PTPN13: variants seen among roughly 807,000 people sequenced by gnomAD.
PTPN13 encodes tyrosine-protein phosphatase non-receptor type 13.
PTPN13 carries 191 observed loss-of-function variants against 284.0 expected under a neutral mutation model. That is an observed-to-expected ratio of 0.67 (90% CI 0.60 to 0.76). The LOEUF is 0.76. Among genes scored for constraint, PTPN13 ranks in the 30% least tolerant of loss-of-function variants. The probability of loss-of-function intolerance (pLI) is 0.00; values close to 1 mark genes in which losing one functional copy is unlikely to be tolerated. For synonymous variants in PTPN13, 986 were observed against 1,022.3 expected, an observed-to-expected ratio of 0.96 and a Z score of 0.68; for missense variants, 2,797 against 2,939.9, an observed-to-expected ratio of 0.95 and a Z score of 1.12.
At chr4:86,693,275 C>T (rs1435921012) in intron 5 of PTPN13, among the ~76,000 whole-genome samples, 3 of 152,036 alleles carry the variant, frequency 2.0e-5, no homozygotes, top group African/African-American at 7.2e-5. Context: ...AAAAAGAAGA[C>T]TTCAAGTTTA....
intron 24 of PTPN13, among the ~76,000 whole-genome samples, chr4:86,763,778 G>T (rs1738972482): frequency 6.6e-6 from 1 of 151,968 alleles, no homozygotes; most frequent in Admixed American, 6.6e-5. Flanking sequence ...CAGGCAAGGT[G>T]GCATGTATCT....
chr4:86,750,909 C>T, intron 18 of PTPN13, 22 bp downstream of exon 18: 1 of 1,594,768 alleles, frequency 6.3e-7, no homozygotes, highest in Non-Finnish European at 8.6e-7. Context: ...TTAACTAACC[C>T]AATTACATAT....
At chr4:86,719,622 C>G (rs1733418707) in intron 9 of PTPN13, among the ~76,000 whole-genome samples, 1 of 152,154 alleles carries the variant, frequency 6.6e-6, no homozygotes, top group Admixed American at 6.5e-5. Context: ...TTCTCTGCAA[C>G]CTCGTCAGCA....
chr4:86,716,535 G>T lies in PTPN13; in HGVS notation c.1201G>T (p.Val401Phe). Residue 401 changes from valine (V) to phenylalanine (F), a missense_variant, in exon 8 of 48, where the codon GTT (valine) becomes TTT (phenylalanine). Val to Phe is a conservative substitution (Grantham distance 50). Coordinates refer to ENST00000411767, the MANE Select transcript of PTPN13 (RefSeq NM_080683.3). ...TTTTGTTTTAATCCTTTTAGAACCA[G>T]TTCGAAGATACAAAACTTATCATGG... ...LREAMNVEEP[V>F]RRYKTYHGDV... is the part of the protein sequence containing the mutation. The T allele has an allele frequency of 6.4e-7, 1 of 1,573,354 alleles. No homozygotes were observed. The highest frequency in any genetic ancestry group is 8.6e-7 in the Non-Finnish European group (1 of 1,157,812).
chr4:86,606,582 A>G (rs1423135090), intron 1 of PTPN13, among the ~76,000 whole-genome samples: 1 of 151,920 alleles, frequency 6.6e-6, no homozygotes, highest in Admixed American at 6.6e-5. Context: ...GCAGGTATCT[A>G]TTCCTAAAAA....
chr4:86,688,099 T>G (rs923234634), intron 4 of PTPN13, among the ~76,000 whole-genome samples: 18 of 151,738 alleles, frequency 1.2e-4, no homozygotes, highest in Non-Finnish European at 4.4e-5. Flanking sequence ...GAAAACAGAG[T>G]TGGGACTTCT....
At chr4:86,739,322 G>A (rs565589770) in intron 15 of PTPN13, among the ~76,000 whole-genome samples, 5 of 152,226 alleles carry the variant, frequency 3.3e-5, no homozygotes, top group East Asian at 1.9e-4. Flanking sequence ...ACATATACCC[G>A]AGACTGGGCA....
chr4:86,741,575 A>T, intron 15 of PTPN13, 59 bp from the exon 16 acceptor site: 1 of 1,460,924 alleles, frequency 6.8e-7, no homozygotes, highest in Non-Finnish European at 9.4e-7. Context: ...TACAGCTTCA[A>T]TATCTTTATG....
intron 3 of PTPN13, among the ~76,000 whole-genome samples, chr4:86,680,375 AT>A (rs1728754095): frequency 2.6e-5 from 4 of 151,226 alleles, no homozygotes; most frequent in African/African-American, 7.3e-5. Flanking sequence ...CTATCTATCT[AT>A]CTATCTATCT....
chr4:86,677,904 G>A (rs1335788748), intron 3 of PTPN13, among the ~76,000 whole-genome samples: 1 of 152,136 alleles, frequency 6.6e-6, no homozygotes, highest in Admixed American at 6.5e-5. Flanking sequence ...TTAGCCCCAT[G>A]AGAGAGTACT....
intron 24 of PTPN13, 66 bp downstream of exon 24, chr4:86,763,256 C>A: frequency 7.7e-7 from 1 of 1,292,328 alleles, no homozygotes; most frequent in Non-Finnish European, 1.1e-6. Context: ...AAATAAGTTA[C>A]AGAGCACAAT....
At chr4:86,663,746 A>C (rs1045429815) in intron 2 of PTPN13, among the ~76,000 whole-genome samples, 1 of 152,208 alleles carries the variant, frequency 6.6e-6, no homozygotes, top group African/African-American at 2.4e-5. Flanking sequence ...TTGTAGTTGG[A>C]AATTACTGAT....
rs9985804 is a variant in PTPN13 at position 86,804,123 on chromosome 4, A to G, written c.6654+266A>G. Among the ~76,000 whole-genome samples the G allele has an allele frequency of 5.0e-3, 699 of 140,208 alleles. 12 individuals carry two copies. Among genetic ancestry groups the G allele is most frequent in the African/African-American group, 0.018 (672 of 38,256 alleles). 92.0% of individuals were successfully genotyped at this position (140,208 alleles called of 152,430 possible). ...CCTCATAGTTAAGGTAAAAATGTTT[A>G]AAAAAAAAAAAAAAGCCAAGTATAA... On this transcript the variant is annotated intron_variant, in intron 43 of 47. Transcript: ENST00000411767.
rs6148556 is a variant in PTPN13 at position 86,761,139 on chromosome 4, AATATATAT to A, written c.3554-1564_3554-1557del. Reference sequence around the variant, plus strand: ...TATATGTGATGTGTGTGTGTGTGTAAATATATATATATATATATATATATATATATAAA... The same window carrying A: ...TATATGTGATGTGTGTGTGTGTGTAAATATATATATATATATATATATAAA... On this transcript the variant is annotated intron_variant, in intron 23 of 47. Transcript: ENST00000411767. Among the ~76,000 whole-genome samples, 101 of 120,664 alleles carry A rather than the reference AATATATAT, an allele frequency of 8.4e-4. 1 individual carries two copies. The highest frequency in any genetic ancestry group is 1.5e-3 in the African/African-American group (47 of 31,690). 79.2% of individuals were successfully genotyped at this position (120,664 alleles called of 152,430 possible).
chr4:86,599,792 C>G (rs1439180814), intron 1 of PTPN13, among the ~76,000 whole-genome samples: 2 of 151,842 alleles, frequency 1.3e-5, no homozygotes, highest in African/African-American at 4.8e-5. Context: ...GTCTTTTGTA[C>G]CTAGTTAAAG....
intron 1 of PTPN13, among the ~76,000 whole-genome samples, chr4:86,599,012 T>C (rs953892483): frequency 6.6e-6 from 1 of 152,156 alleles, no homozygotes; most frequent in Non-Finnish European, 1.5e-5. Context: ...TGTCCCTCCT[T>C]GGCCTCCCAA....
chr4:86,609,213 T>C (rs1368432726), intron 1 of PTPN13, among the ~76,000 whole-genome samples: 10 of 152,226 alleles, frequency 6.6e-5, no homozygotes, highest in Admixed American at 6.5e-4. Context: ...GTTATCCCTA[T>C]GAAAATAGTT....
At position 86,716,562 on chromosome 4, in the gene PTPN13, G is replaced by A; in HGVS notation, c.1228G>A (p.Asp410Asn). Reference protein sequence around the residue: ...PVRRYKTYHGDVFSTSSESPS... With the variant: ...PVRRYKTYHGNVFSTSSESPS... The stretch of plus-strand genomic sequence containing the variant: ...TCGAAGATACAAAACTTATCATGGT[G>A]ATGTCTTTAGTACCTCCAGTGAAAG... Residue 410 changes from aspartate (D) to asparagine (N), a missense_variant, in exon 8 of 48, where the codon GAT (aspartate) becomes AAT (asparagine). Coordinates refer to ENST00000411767, the MANE Select transcript of PTPN13 (RefSeq NM_080683.3). 3.1e-6 allele frequency: 5 copies of A among 1,597,706 alleles called. No homozygotes were observed. Among genetic ancestry groups the A allele is most frequent in the Non-Finnish European group, 3.4e-6 (4 of 1,172,216 alleles).
intron 42 of PTPN13, among the ~76,000 whole-genome samples, chr4:86,802,371 A>G (rs1415078789): frequency 6.6e-6 from 1 of 152,122 alleles, no homozygotes; most frequent in Non-Finnish European, 1.5e-5. Context: ...ACTAAGTACA[A>G]TTACCTTTTT....
Sources: allele counts gnomAD v4.1 joint callset (sites outside exome capture counted in the v4.1 genomes callset), GRCh38; gene constraint gnomAD v4.1.1; transcripts MANE v1.5; gene names NCBI Gene and HGNC (gene_info 2026-07-23, HGNC 2026-07-21).